The following TDP1 variants were observed in gnomAD, a reference collection of about 807,000 sequenced individuals.
The protein encoded by TDP1 is tyr-DNA phosphodiesterase 1.
Under a neutral mutation model 81.5 loss-of-function variants are expected in TDP1, and 64 were observed. The ratio of observed to expected loss-of-function variants is 0.79; its 90% CI spans 0.64 to 0.97. The LOEUF is 0.97. Ranked by LOEUF, TDP1 falls within the 50% of genes least tolerant of loss-of-function variation. The pLI, the probability that TDP1 is intolerant of heterozygous loss-of-function variation, is 0.00. For synonymous variants in TDP1, 256 were observed against 264.3 expected, an observed-to-expected ratio of 0.97 and a Z score of 0.30; for missense variants, 723 against 743.8, an observed-to-expected ratio of 0.97 and a Z score of 0.33.
At chr14:90,013,068 A>G (rs150599568) in intron 14 of TDP1, among the ~76,000 whole-genome samples, 5,907 of 152,294 alleles carry the variant, frequency 0.039, 370 homozygotes, top group African/African-American at 0.13. Flanking sequence ...GCCTGTACCC[A>G]CATTGTATTT....
intron 14 of TDP1, among the ~76,000 whole-genome samples, chr14:89,998,119 A>G (rs1324626690): frequency 1.3e-5 from 2 of 151,920 alleles, no homozygotes; most frequent in Non-Finnish European, 2.9e-5. Context: ...TATGGTACCT[A>G]TACTGTCTGT....
chr14:90,007,066 T>C (rs1427223636), intron 14 of TDP1, among the ~76,000 whole-genome samples: 1 of 152,210 alleles, frequency 6.6e-6, no homozygotes. Flanking sequence ...ATTATTACTT[T>C]ACAGTCACTT....
intron 16 of TDP1, among the ~76,000 whole-genome samples, chr14:90,035,137 G>A (rs1188703439): frequency 6.6e-6 from 1 of 152,030 alleles, no homozygotes; most frequent in Non-Finnish European, 1.5e-5. Flanking sequence ...AACCTTCTCA[G>A]CTTTCATAGT....
Position 90,043,187 on chromosome 14 carries a change from A to G in TDP1, c.*44A>G. Reference sequence around the variant, plus strand: ...AAATTTAAGTGTAAGACATTGAGCCACAAACATGGAATCTCTTCTTTGTAC... The same window carrying G: ...AAATTTAAGTGTAAGACATTGAGCCGCAAACATGGAATCTCTTCTTTGTAC... On this transcript the variant is annotated 3_prime_UTR_variant, in exon 17 of 17. Coordinates refer to ENST00000335725, the MANE Select transcript of TDP1 (RefSeq NM_018319.4). The G allele has an allele frequency of 1.2e-6, 2 of 1,613,474 alleles. No individual in the cohort carries two copies. Among genetic ancestry groups the G allele is most frequent in the Non-Finnish European group, 1.7e-6 (2 of 1,179,538 alleles).
intron 14 of TDP1, 177 bp from the exon 15 acceptor site, chr14:90,019,139 A>G (rs1885666073): frequency 3.2e-6 from 3 of 947,532 alleles, no homozygotes; most frequent in African/African-American, 3.5e-5. Context: ...AATCTCGAGG[A>G]TTAGAGAACA....
intron 14 of TDP1, among the ~76,000 whole-genome samples, chr14:89,998,414 ATATATATATGTATG>A (rs1430488622): frequency 9.9e-6 from 1 of 100,798 alleles, no homozygotes; most frequent in African/African-American, 4.6e-5. Flanking sequence ...ATATATATAT[ATATATATATGTATG>A]TATGTATGTA....
intron 12 of TDP1, among the ~76,000 whole-genome samples, chr14:89,990,722 A>G (rs565424723): frequency 2.9e-4 from 44 of 151,990 alleles, no homozygotes; most frequent in Non-Finnish European, 5.9e-5. Flanking sequence ...TTGTTTTATA[A>G]CTGGCTTTGA....
intron 14 of TDP1, among the ~76,000 whole-genome samples, chr14:90,003,082 C>T (rs933836949): frequency 1.7e-4 from 26 of 152,004 alleles, no homozygotes; most frequent in African/African-American, 5.6e-4. Flanking sequence ...GGACTACAGG[C>T]GCATGCCACC....
chr14:89,982,997 GAATAA>G (rs994507178), intron 8 of TDP1: 6 of 403,068 alleles, frequency 1.5e-5, no homozygotes, highest in African/African-American at 8.4e-5. Context: ...TCACAGTAAA[GAATAA>G]AATAAAATTA....
rs74080539 is a variant in TDP1 at position 89,977,634 on chromosome 14, T to C, written c.791+1819T>C. On this transcript the variant is annotated intron_variant, in intron 7 of 16. Transcript: ENST00000335725. ...TGTTTTAAGAATTAAATACTTCTTATGTTCTTGACACAGCTCAAGAGGATA... is the reference window on the plus strand; with the variant it reads ...TGTTTTAAGAATTAAATACTTCTTACGTTCTTGACACAGCTCAAGAGGATA... Among the ~76,000 whole-genome samples, 345 of 152,358 alleles carry C rather than the reference T, an allele frequency of 2.3e-3. 3 individuals are homozygous for C. The highest frequency in any genetic ancestry group is 7.6e-3 in the African/African-American group (317 of 41,596).
chr14:89,985,516 C>G (rs1895461094), intron 10 of TDP1, among the ~76,000 whole-genome samples: 1 of 151,984 alleles, frequency 6.6e-6, no homozygotes, highest in African/African-American at 2.4e-5. Context: ...TTTGATTGTT[C>G]AGCATATCAA....
chr14:90,022,877 T>G, intron 15 of TDP1: 1 of 457,830 alleles, frequency 2.2e-6, no homozygotes, highest in Non-Finnish European at 2.9e-6. Flanking sequence ...GTGAGATGCT[T>G]AACTTGTGAA....
Position 89,958,916 on chromosome 14 carries a change from A to G in TDP1, c.-8+2116A>G, listed in dbSNP as rs529842661. Among the ~76,000 whole-genome samples, 21 of 152,334 alleles carry G rather than the reference A, an allele frequency of 1.4e-4. No homozygotes were observed. In the South Asian group the frequency reaches 3.1e-3, roughly 23 times the overall value. On this transcript the variant is annotated intron_variant, in intron 2 of 16. Coordinates refer to ENST00000335725, the MANE Select transcript of TDP1 (RefSeq NM_018319.4). ...AAATAAACTTTATTTTGCTATTTCA[A>G]ATATAACGTAGCCATAAGATACCTT...
intron 2 of TDP1, 43 bp from the exon 3 acceptor site, chr14:89,963,065 C>T: frequency 1.2e-6 from 2 of 1,613,824 alleles, no homozygotes; most frequent in Non-Finnish European, 1.7e-6. Flanking sequence ...TGCCAATGCC[C>T]TGATGAATGG....
In TDP1 at chr14:89,989,034, C is replaced by T; in HGVS notation, c.1261C>T (p.Leu421=). 1 of 1,614,078 alleles carries T rather than the reference C, an allele frequency of 6.2e-7. No homozygotes were observed. The highest frequency in any genetic ancestry group is 8.5e-7 in the Non-Finnish European group (1 of 1,179,964). The part of the protein sequence containing the change: ...WLCSEFKESM[L]TLGKESKTPG... ...ATGTTCTGAGTTTAAAGAGAGCATGCTGACACTGGGGAAGGAAAGCAAGAC... is the reference window on the plus strand; with the variant it reads ...ATGTTCTGAGTTTAAAGAGAGCATGTTGACACTGGGGAAGGAAAGCAAGAC... Residue 421 remains leucine, a synonymous_variant, in exon 11 of 17, where the codon CTG becomes TTG. Coordinates refer to ENST00000335725, the MANE Select transcript of TDP1 (RefSeq NM_018319.4).
At chr14:89,993,270 G>A in intron 13 of TDP1, 106 bp from the exon 14 acceptor site, 7 of 1,284,438 alleles carry the variant, frequency 5.4e-6, no homozygotes, top group Non-Finnish European at 7.6e-6. Flanking sequence ...TGTAGCCACT[G>A]TTGATTTTTA....
Position 89,984,663 on chromosome 14 carries a change from G to C in TDP1, c.1032G>C (p.Lys344Asn). The C allele has an allele frequency of 6.2e-7, 1 of 1,613,976 alleles. No homozygotes were observed. The highest frequency in any genetic ancestry group is 8.5e-7 in the Non-Finnish European group (1 of 1,180,024). ...AGGAGTGGATAGATGTCATTCACAA[G>C]CACGATCTCTCTGAAACAAAGTATG... ...SLKEWIDVIH[K>N]HDLSETNVYL... Residue 344 changes from lysine (K) to asparagine (N), a missense_variant, in exon 9 of 17, where the codon AAG becomes AAC. Coordinates refer to ENST00000335725, the MANE Select transcript of TDP1 (RefSeq NM_018319.4).
chr14:90,031,377 C>T (rs1045036453), intron 15 of TDP1, among the ~76,000 whole-genome samples: 4 of 151,584 alleles, frequency 2.6e-5, no homozygotes, highest in African/African-American at 9.7e-5. Context: ...AAATTGAAAC[C>T]TAGGCACAGT....
chr14:89,971,027 G>C, intron 5 of TDP1, 148 bp from the exon 6 acceptor site: 1 of 661,142 alleles, frequency 1.5e-6, no homozygotes, highest in South Asian at 1.5e-5. Flanking sequence ...GTAGAGACGG[G>C]GTTTCACCAT....
Sources: allele counts gnomAD v4.1 joint callset (sites outside exome capture counted in the v4.1 genomes callset), GRCh38; gene constraint gnomAD v4.1.1; transcripts MANE v1.5; gene names NCBI Gene and HGNC (gene_info 2026-07-23, HGNC 2026-07-21).